The following STXBP5L variants were observed in gnomAD, a reference collection of about 807,000 sequenced individuals.
The protein encoded by STXBP5L is syntaxin binding protein 5L.
Under a neutral mutation model 144.5 loss-of-function variants are expected in STXBP5L, and 65 were observed. The observed-to-expected ratio is 0.45, with a 90% CI of 0.37 to 0.55. STXBP5L has a LOEUF of 0.55. Among genes scored for constraint, STXBP5L ranks in the 20% least tolerant of loss-of-function variants. The pLI, the probability that STXBP5L is intolerant of heterozygous loss-of-function variation, is 0.00. For missense variants in STXBP5L, 1,298 were observed against 1,405.5 expected, an observed-to-expected ratio of 0.92 and a Z score of 1.22; for synonymous variants, 505 against 469.6, an observed-to-expected ratio of 1.08 and a Z score of -0.97.
intron 20 of STXBP5L, among the ~76,000 whole-genome samples, chr3:121,373,716 C>A (rs923809879): frequency 1.3e-5 from 2 of 152,124 alleles, no homozygotes; most frequent in African/African-American, 2.4e-5. Flanking sequence ...CTATGGACAC[C>A]ACTAGTGCCT....
At chr3:121,297,619 T>G in intron 19 of STXBP5L, among the ~76,000 whole-genome samples, 1 of 152,114 alleles carries the variant, frequency 6.6e-6, no homozygotes, top group Non-Finnish European at 1.5e-5. Flanking sequence ...CTGGGTGTGG[T>G]GGCTCATGCC....
chr3:120,993,261 GC>G (rs1315658370), intron 3 of STXBP5L, among the ~76,000 whole-genome samples: 1 of 152,042 alleles, frequency 6.6e-6, no homozygotes, highest in East Asian at 1.9e-4. Flanking sequence ...TGAACAGGTA[GC>G]CTCTTCACTC....
intron 5 of STXBP5L, among the ~76,000 whole-genome samples, chr3:121,095,020 C>G (rs114528585): frequency 6.6e-5 from 10 of 152,002 alleles, no homozygotes; most frequent in African/African-American, 2.4e-4. Flanking sequence ...ATCTGTAAAG[C>G]ATTGTCTGTA....
rs933892190 is a variant in STXBP5L at position 120,940,907 on chromosome 3, C to CAT, written c.190-14021_190-14020dup. ...GTGTTTCTTTGAAGGTATGTTTTAA[C>CAT]ATATATATATATAATATTATGAAAG... On this transcript the variant is annotated intron_variant, in intron 2 of 26. Coordinates refer to ENST00000471454, the MANE Select transcript of STXBP5L (RefSeq NM_001308330.2). Among the ~76,000 whole-genome samples, 27 of 150,480 alleles carry CAT rather than the reference C, an allele frequency of 1.8e-4. 1 individual carries two copies. Among genetic ancestry groups the CAT allele is most frequent in the South Asian group, 6.3e-4 (3 of 4,778 alleles).
chr3:121,279,253 G>T (rs1361101386), intron 18 of STXBP5L, among the ~76,000 whole-genome samples: 1 of 151,598 alleles, frequency 6.6e-6, no homozygotes, highest in African/African-American at 2.4e-5. Context: ...CTTTTGAAAG[G>T]GGCACAAAAT....
At chr3:121,203,490 A>T (rs1418759569) in intron 9 of STXBP5L, among the ~76,000 whole-genome samples, 1 of 152,112 alleles carries the variant, frequency 6.6e-6, no homozygotes, top group African/African-American at 2.4e-5. Flanking sequence ...ATACCCTAAC[A>T]CTTGGTACAC....
At chr3:121,315,082 C>A (rs2043734220) in intron 19 of STXBP5L, among the ~76,000 whole-genome samples, 1 of 152,232 alleles carries the variant, frequency 6.6e-6, no homozygotes, top group African/African-American at 2.4e-5. Flanking sequence ...TGTGGTGATT[C>A]CTCAGGGATC....
At chr3:121,097,681 C>T (rs1201880683) in intron 5 of STXBP5L, among the ~76,000 whole-genome samples, 1 of 152,156 alleles carries the variant, frequency 6.6e-6, no homozygotes, top group Non-Finnish European at 1.5e-5. Flanking sequence ...GAACCGGGTA[C>T]CTCAGTTGGA....
chr3:121,232,479 G>A (rs2049340604), intron 11 of STXBP5L, among the ~76,000 whole-genome samples: 1 of 152,150 alleles, frequency 6.6e-6, no homozygotes, highest in African/African-American at 2.4e-5. Context: ...AGCACCAAAA[G>A]TCAGCAGGGC....
At chr3:121,075,998 G>T (rs1429077393) in intron 5 of STXBP5L, among the ~76,000 whole-genome samples, 2 of 152,232 alleles carry the variant, frequency 1.3e-5, no homozygotes, top group Non-Finnish European at 2.9e-5. Flanking sequence ...GACTGCATTA[G>T]ATCTATAAGA....
At chr3:121,220,458 G>T (rs1229188751) in intron 10 of STXBP5L, among the ~76,000 whole-genome samples, 1 of 151,946 alleles carries the variant, frequency 6.6e-6, no homozygotes, top group African/African-American at 2.4e-5. Context: ...CATTTAGTGT[G>T]GTACAGCATT....
At chr3:121,348,705 A>T (rs1214209414) in intron 20 of STXBP5L, among the ~76,000 whole-genome samples, 1 of 151,964 alleles carries the variant, frequency 6.6e-6, no homozygotes, top group Non-Finnish European at 1.5e-5. Context: ...TGTGTCGAGG[A>T]ATTTATCCAT....
At chr3:121,290,565 G>C (rs905450707) in intron 19 of STXBP5L, among the ~76,000 whole-genome samples, 3 of 152,086 alleles carry the variant, frequency 2.0e-5, no homozygotes, top group Non-Finnish European at 2.9e-5. Context: ...TGTGAAGCCA[G>C]TATCACCCTA....
chr3:121,310,445 C>T (rs1256481819), intron 19 of STXBP5L, among the ~76,000 whole-genome samples: 2 of 152,112 alleles, frequency 1.3e-5, no homozygotes, highest in Non-Finnish European at 2.9e-5. Context: ...CCCGTCTCTA[C>T]TAAAAGTACA....
chr3:121,000,929 C>T (rs1943721822), intron 3 of STXBP5L, among the ~76,000 whole-genome samples: 1 of 152,184 alleles, frequency 6.6e-6, no homozygotes, highest in African/African-American at 2.4e-5. Flanking sequence ...CCTGGGGTTG[C>T]TGGGATCAAG....
intron 11 of STXBP5L, among the ~76,000 whole-genome samples, chr3:121,228,968 C>T (rs767740284): frequency 2.2e-4 from 34 of 152,178 alleles, no homozygotes; most frequent in Non-Finnish European, 1.2e-4. Context: ...TGTATTTTAA[C>T]ATCAAAGTTT....
chr3:121,399,830 T>C (rs1369827170), intron 22 of STXBP5L, among the ~76,000 whole-genome samples: 3 of 152,222 alleles, frequency 2.0e-5, no homozygotes, highest in Non-Finnish European at 2.9e-5. Context: ...TTATGGCTAG[T>C]TTTGGGGCCA....
At chr3:121,274,317 T>C (rs933363841) in intron 18 of STXBP5L, among the ~76,000 whole-genome samples, 1 of 152,222 alleles carries the variant, frequency 6.6e-6, no homozygotes, top group Admixed American at 6.5e-5. Flanking sequence ...ATGGTCTCAA[T>C]GCAGTTTAAT....
chr3:121,167,243 C>T (rs1281039108), intron 9 of STXBP5L, among the ~76,000 whole-genome samples: 1 of 152,182 alleles, frequency 6.6e-6, no homozygotes, highest in East Asian at 1.9e-4. Context: ...TGAGAAGTTG[C>T]TCTAAACCTA....
Sources: gnomAD v4.1 joint callset for allele counts (sites outside exome capture counted in the v4.1 genomes callset) on GRCh38, gnomAD v4.1.1 for gene constraint, MANE v1.5 for transcripts, NCBI Gene and HGNC (gene_info 2026-07-23, HGNC 2026-07-21) for gene names.